The following GATAD1 variants were observed in gnomAD, a reference collection of about 807,000 sequenced individuals.
GATAD1 encodes GATA zinc finger domain containing 1.
A neutral mutation model predicts 26.5 loss-of-function variants in GATAD1; 12 were observed. That is an observed-to-expected ratio of 0.45 (90% CI 0.29 to 0.73). GATAD1 has a LOEUF of 0.73. Ranked by LOEUF, GATAD1 falls within the 30% of genes least tolerant of loss-of-function variation. GATAD1 has a pLI of 0.10. For missense variants in GATAD1, 266 were observed against 342.1 expected (o/e 0.78, Z 1.75); for synonymous variants, 129 against 133.1 (o/e 0.97, Z 0.21).
intron 3 of GATAD1, among the ~76,000 whole-genome samples, chr7:92,451,996 G>A (rs1046203842): frequency 2.0e-5 from 3 of 152,194 alleles, no homozygotes; most frequent in Non-Finnish European, 4.4e-5. Context: ...CCTCTCTAAT[G>A]TCTCATCTGT....
the GATAD1 span, among the ~76,000 whole-genome samples, chr7:92,466,972 A>G: frequency 6.6e-6 from 1 of 152,316 alleles, no homozygotes; most frequent in East Asian, 1.9e-4. Flanking sequence ...AGACATTCCT[A>G]GGTCATAAAG....
At chr7:92,478,425 C>T in the GATAD1 span, among the ~76,000 whole-genome samples, 31 of 152,000 alleles carry the variant, frequency 2.0e-4, no homozygotes, top group Non-Finnish European at 4.1e-4. Flanking sequence ...ACCACAACGT[C>T]GGGAATAAGT....
intron 4 of GATAD1, 89 bp from the exon 5 acceptor site, chr7:92,456,283 C>G: frequency 1.3e-6 from 1 of 755,480 alleles, no homozygotes; most frequent in Non-Finnish European, 2.1e-6. Context: ...CCAGAGTGGT[C>G]TCTCCCAGTG....
At chr7:92,482,695 A>G in the GATAD1 span, among the ~76,000 whole-genome samples, 28 of 152,240 alleles carry the variant, frequency 1.8e-4, no homozygotes, top group South Asian at 5.8e-3. Context: ...AAGGGCGGCA[A>G]GGAGATGTGG....
rs1789752250 is a variant in GATAD1 at position 92,457,966 on chromosome 7, G to T, written c.*1404G>T. 1 of 152,120 alleles carries T rather than the reference G, an allele frequency of 6.6e-6. No individual in the cohort carries two copies. The allele number at this position is 152,120 out of a possible 1,614,324, so 9.4% of individuals were successfully genotyped here. ...AGCCTGGCCAACATGATGAAACCCT[G>T]TCTCTACTAAATATACAAAAATTAG... On this transcript the variant is annotated 3_prime_UTR_variant, in exon 5 of 5. Transcript: ENST00000287957.
At chr7:92,480,387 C>T in the GATAD1 span, among the ~76,000 whole-genome samples, 1 of 152,162 alleles carries the variant, frequency 6.6e-6, no homozygotes, top group Non-Finnish European at 1.5e-5. Context: ...AGGGGCAAAT[C>T]CCCGAGCTTG....
chr7:92,452,867 G>A (rs1161789956), intron 3 of GATAD1, among the ~76,000 whole-genome samples: 1 of 152,230 alleles, frequency 6.6e-6, no homozygotes, highest in Non-Finnish European at 1.5e-5. Flanking sequence ...GTTATGCATA[G>A]TAAGCCTATG....
Position 92,454,816 on chromosome 7 carries a change from G to C in GATAD1, c.619+131G>C, listed in dbSNP as rs1789599965. On this transcript the variant is annotated intron_variant, in intron 4 of 4. Coordinates refer to ENST00000287957, the MANE Select transcript of GATAD1 (RefSeq NM_021167.5). ...GACTGAGTGGCTTAAACAACAGAAA[G>C]TCACTTTCTCACAGTTGTGGAGGCT... 6 of 613,466 alleles carry C rather than the reference G, an allele frequency of 9.8e-6. No homozygotes were observed. The East Asian group carries it at 1.8e-4, about 18-fold the overall frequency. 38.0% of individuals were successfully genotyped at this position (613,466 alleles called of 1,614,324 possible). A position where few individuals can be genotyped will look rare whatever the true frequency, so the allele number is the denominator to read the frequency against.
chr7:92,468,024 G>A, the GATAD1 span, among the ~76,000 whole-genome samples: 2 of 152,180 alleles, frequency 1.3e-5, no homozygotes, highest in Admixed American at 6.5e-5. Context: ...CAAGCCTCGT[G>A]TTCTCTGACC....
downstream of GATAD1, among the ~76,000 whole-genome samples, chr7:92,460,163 GAAC>G (rs1387308981): frequency 1.6e-4 from 25 of 152,164 alleles, no homozygotes; most frequent in African/African-American, 6.0e-4. Context: ...GAAATCAAAT[GAAC>G]AATAGAGGGA....
At chr7:92,449,593 A>G in intron 2 of GATAD1, 1 of 980,612 alleles carries the variant, frequency 1.0e-6, no homozygotes, top group South Asian at 4.7e-5. Flanking sequence ...ACCCGTAAAG[A>G]CGTTTCTGAA....
the GATAD1 span, among the ~76,000 whole-genome samples, chr7:92,482,516 G>A: frequency 6.6e-6 from 1 of 152,162 alleles, no homozygotes; most frequent in Admixed American, 6.5e-5. Context: ...TTTAAAGCCT[G>A]TTGTGGTATG....
the GATAD1 span, chr7:92,493,925 CCTG>C: frequency 3.7e-6 from 1 of 268,078 alleles, no homozygotes; most frequent in Non-Finnish European, 7.2e-6. Flanking sequence ...CTCTATGAAA[CCTG>C]CTTACATGCT....
At chr7:92,488,729 ATTTTTTT>A in the GATAD1 span, among the ~76,000 whole-genome samples, 2 of 142,536 alleles carry the variant, frequency 1.4e-5, no homozygotes, top group African/African-American at 5.1e-5. Flanking sequence ...AAGTTACTAA[ATTTTTTT>A]TTTTTTTTTT....
chr7:92,460,472 G>A (rs2115906408), downstream of GATAD1, among the ~76,000 whole-genome samples: 1 of 152,172 alleles, frequency 6.6e-6, no homozygotes. Context: ...TTAATTATTG[G>A]GTCAGATGCA....
At chr7:92,470,501 G>C in the GATAD1 span, 1 of 596,338 alleles carries the variant, frequency 1.7e-6, no homozygotes, top group Non-Finnish European at 3.0e-6. Flanking sequence ...TCCTTTGGCA[G>C]TATCCAGGAT....
At chr7:92,494,382 C>T in the GATAD1 span, 340 of 1,613,926 alleles carry the variant, frequency 2.1e-4, 3 homozygotes, top group South Asian at 3.6e-3. Flanking sequence ...CTAGTAGCAG[C>T]CAATACATAA....
chr7:92,458,829 A>T lies in GATAD1; in HGVS notation c.*2267A>T, dbSNP rs796333236. 33 of 152,334 alleles carry T rather than the reference A, an allele frequency of 2.2e-4. No individual in the cohort carries two copies. Among genetic ancestry groups the T allele is most frequent in the African/African-American group, 7.7e-4 (32 of 41,588 alleles). The allele number at this position is 152,334 out of a possible 1,614,324, so 9.4% of individuals were successfully genotyped here. ...ACTTTTGGATTAAAATGTATTTTTCACCGTGCATTTACTTTGGATGTATTT... is the reference window on the plus strand; with the variant it reads ...ACTTTTGGATTAAAATGTATTTTTCTCCGTGCATTTACTTTGGATGTATTT... On this transcript the variant is annotated 3_prime_UTR_variant, in exon 5 of 5. Transcript: ENST00000287957.
chr7:92,455,110 C>G (rs968261204), intron 4 of GATAD1, among the ~76,000 whole-genome samples: 1 of 145,014 alleles, frequency 6.9e-6, no homozygotes, highest in Admixed American at 7.0e-5. Context: ...TGGAGGGTGG[C>G]GGGGGGGGAT....
Sources: gnomAD v4.1 joint callset for allele counts (sites outside exome capture counted in the v4.1 genomes callset) on GRCh38, gnomAD v4.1.1 for gene constraint, MANE v1.5 for transcripts, NCBI Gene and HGNC (gene_info 2026-07-23, HGNC 2026-07-21) for gene names.